LIFR: variants seen among roughly 807,000 people sequenced by gnomAD.
LIFR encodes the protein leukemia inhibitory factor receptor.
LIFR carries 84 observed loss-of-function variants against 122.2 expected under a neutral mutation model. The ratio of observed to expected loss-of-function variants is 0.69; its 90% CI spans 0.58 to 0.82. The LOEUF (loss-of-function observed/expected upper bound fraction) is 0.82. Ranked by LOEUF, LIFR falls within the 40% of genes least tolerant of loss-of-function variation. LIFR has a pLI of 0.00. For missense variants in LIFR, 1,294 were observed against 1,311.6 expected, an observed-to-expected ratio of 0.99 and a Z score of 0.21; for synonymous variants, 422 against 434.7, an observed-to-expected ratio of 0.97 and a Z score of 0.36.
upstream of LIFR, among the ~76,000 whole-genome samples, chr5:38,597,365 C>T (rs936490091): frequency 1.3e-5 from 2 of 152,174 alleles, no homozygotes; most frequent in Admixed American, 6.6e-5. Flanking sequence ...AGAAGTAGCT[C>T]GTGGGGTGAG....
intron 14 of LIFR, chr5:38,490,541 A>C: frequency 4.4e-6 from 1 of 226,070 alleles, no homozygotes. Context: ...TGAAGAGAAC[A>C]ACGATGATTT....
chr5:38,511,856 T>C lies in LIFR; in HGVS notation c.670A>G (p.Ile224Val), dbSNP rs151282774. The C allele has an allele frequency of 1.6e-4, 253 of 1,614,140 alleles. No individual in the cohort carries two copies. The African/African-American group carries it at 2.5e-3, about 16-fold the overall frequency. ...AIHFVEIRCYIDNLHFSGLEE... is the reference protein window; with the variant it reads ...AIHFVEIRCYVDNLHFSGLEE... Reference sequence around the variant, plus strand: ...AGACCAGAAAAATGAAGATTGTCAATGTAGCATCTAATTTCCACAAAATGA... The same window carrying C: ...AGACCAGAAAAATGAAGATTGTCAACGTAGCATCTAATTTCCACAAAATGA... The change falls in exon 6 of 20, where the codon ATT becomes GTT. Residue 224 changes from isoleucine (I) to valine (V), a missense_variant. Physicochemically the swap from Ile to Val is conservative, Grantham distance 29. Transcript: ENST00000453190.
At chr5:38,589,261 A>G (rs1749848732) in intron 1 of LIFR, among the ~76,000 whole-genome samples, 1 of 152,024 alleles carries the variant, frequency 6.6e-6, no homozygotes, top group Admixed American at 6.5e-5. Context: ...TAAAAATCAT[A>G]TTCTTTGGGA....
intron 9 of LIFR, 111 bp from the exon 10 acceptor site, chr5:38,504,232 CCAA>C: frequency 1.4e-6 from 1 of 721,754 alleles, no homozygotes; most frequent in Non-Finnish European, 2.4e-6. Flanking sequence ...TTAGTGCTGA[CCAA>C]CAACATCCTA....
intron 1 of LIFR, among the ~76,000 whole-genome samples, chr5:38,547,100 C>T (rs1043900966): frequency 2.6e-5 from 4 of 152,150 alleles, no homozygotes; most frequent in Non-Finnish European, 5.9e-5. Flanking sequence ...CCAGTGGGGG[C>T]AAGGGGAGTA....
At chr5:38,562,554 T>C (rs893866112) in intron 1 of LIFR, among the ~76,000 whole-genome samples, 1 of 152,208 alleles carries the variant, frequency 6.6e-6, no homozygotes, top group African/African-American at 2.4e-5. Context: ...TTTACTCCCT[T>C]TTGAGTGGTG....
Position 38,491,193 on chromosome 5 carries a change from C to A in LIFR, c.2066-902G>T, listed in dbSNP as rs558329826. On this transcript the variant is annotated intron_variant, in intron 14 of 19. Transcript: ENST00000453190. ...AATACTTTGAATTAACTCCACAGGA[C>A]ATAGAGGTACTTCCAATTGAAGTAC... 2.0e-5 allele frequency among the ~76,000 whole-genome samples: 3 copies of A among 152,282 alleles called. No individual in the cohort carries two copies. In the South Asian group the frequency reaches 6.2e-4, roughly 32 times the overall value.
At chr5:38,602,036 A>C (rs779198095) in intron 2 of LIFR, among the ~76,000 whole-genome samples, 1 of 152,122 alleles carries the variant, frequency 6.6e-6, no homozygotes, top group Non-Finnish European at 1.5e-5. Flanking sequence ...CTGTCAATTT[A>C]TTCACACTTT....
chr5:38,514,512 G>A (rs763825990), intron 5 of LIFR, among the ~76,000 whole-genome samples: 2 of 152,158 alleles, frequency 1.3e-5, no homozygotes, highest in Non-Finnish European at 2.9e-5. Flanking sequence ...GCCCAGTAAC[G>A]TATGAAAGTT....
chr5:38,500,049 C>A (rs895744089), intron 11 of LIFR, among the ~76,000 whole-genome samples: 1 of 152,116 alleles, frequency 6.6e-6, no homozygotes, highest in Non-Finnish European at 1.5e-5. Context: ...TTTCTAACTA[C>A]CCTATTTAAA....
At chr5:38,549,113 G>A (rs371927235) in intron 1 of LIFR, among the ~76,000 whole-genome samples, 4 of 152,018 alleles carry the variant, frequency 2.6e-5, no homozygotes, top group African/African-American at 9.7e-5. Context: ...TTCACCACAC[G>A]GCATGCTTTA....
At chr5:38,591,788 A>G (rs1217169834) in intron 1 of LIFR, among the ~76,000 whole-genome samples, 12 of 152,244 alleles carry the variant, frequency 7.9e-5, no homozygotes, top group Admixed American at 7.8e-4. Flanking sequence ...AGGTGGGATA[A>G]TGTGAAACAG....
In LIFR at chr5:38,569,117, C is replaced by T. The variant is rs192278609; in HGVS notation, c.-20+26144G>A. 1.0e-3 allele frequency among the ~76,000 whole-genome samples: 157 copies of T among 152,308 alleles called. 2 individuals carry two copies. The highest frequency in any genetic ancestry group is 3.7e-3 in the African/African-American group (152 of 41,554). On this transcript the variant is annotated intron_variant, in intron 1 of 19. Transcript: ENST00000263409. ...TGAAGGGGAGGTCTGGGCACCATAT[C>T]GCAACACCCTGGTACCACATCACCC...
intron 1 of LIFR, among the ~76,000 whole-genome samples, chr5:38,542,805 A>G (rs1747666333): frequency 6.6e-6 from 1 of 152,114 alleles, no homozygotes; most frequent in Admixed American, 6.5e-5. Flanking sequence ...TTGTCCCTTT[A>G]ACAAATATCA....
intron 7 of LIFR, among the ~76,000 whole-genome samples, chr5:38,507,362 G>C (rs1745544669): frequency 6.6e-6 from 1 of 151,716 alleles, no homozygotes; most frequent in Non-Finnish European, 1.5e-5. Flanking sequence ...TCAGGAGTTT[G>C]AGACCAGCCT....
intron 1 of LIFR, among the ~76,000 whole-genome samples, chr5:38,544,950 T>C (rs2112626653): frequency 6.6e-6 from 1 of 152,346 alleles, no homozygotes; most frequent in East Asian, 1.9e-4. Context: ...TTATGCACCA[T>C]GGAAGATTAT....
intron 1 of LIFR, among the ~76,000 whole-genome samples, chr5:38,534,249 T>C (rs1747172988): frequency 6.6e-6 from 1 of 152,208 alleles, no homozygotes; most frequent in African/African-American, 2.4e-5. Flanking sequence ...CCTCCAGCAT[T>C]AGCTCCCAGT....
At position 38,534,326 on chromosome 5, in the gene LIFR, T is replaced by C. The variant is rs191847308; in HGVS notation, c.-19-3660A>G. Among the ~76,000 whole-genome samples, 48 of 152,268 alleles carry C rather than the reference T, an allele frequency of 3.2e-4. No homozygotes were observed. The East Asian group carries it at 7.3e-3, about 23-fold the overall frequency. ...ACTCCATTGTGTTATTGAAGTGAAGTGTAGGGGCTCTTCAAGTTAAAAGAA... is the reference window on the plus strand; with the variant it reads ...ACTCCATTGTGTTATTGAAGTGAAGCGTAGGGGCTCTTCAAGTTAAAAGAA... On this transcript the variant is annotated intron_variant, in intron 1 of 19. Transcript: ENST00000453190.
intron 1 of LIFR, among the ~76,000 whole-genome samples, chr5:38,551,689 G>A (rs964612627): frequency 3.3e-5 from 5 of 152,124 alleles, no homozygotes; most frequent in Non-Finnish European, 5.9e-5. Context: ...TTCTTTCTCT[G>A]TATCTGCCTT....
Sources: gnomAD v4.1 joint callset for allele counts (sites outside exome capture counted in the v4.1 genomes callset) on GRCh38, gnomAD v4.1.1 for gene constraint, MANE v1.5 for transcripts, NCBI Gene and HGNC (gene_info 2026-07-23, HGNC 2026-07-21) for gene names.